MARCO: variants seen among roughly 807,000 people sequenced by gnomAD.
MARCO encodes macrophage receptor MARCO.
A neutral mutation model predicts 70.0 loss-of-function variants in MARCO; 72 were observed. The ratio of observed to expected loss-of-function variants is 1.03; its 90% CI spans 0.85 to 1.25. MARCO has a LOEUF of 1.25. MARCO is among the 50% of genes most tolerant of loss of function. The pLI is 0.00. For missense variants in MARCO, 696 were observed against 659.3 expected (o/e 1.06, Z -0.61); for synonymous variants, 273 against 243.1 (o/e 1.12, Z -1.14).
At chr2:118,991,253 G>T (rs1345811845) in intron 13 of MARCO, among the ~76,000 whole-genome samples, 10 of 143,970 alleles carry the variant, frequency 6.9e-5, no homozygotes, top group East Asian at 2.0e-4. Context: ...ATGTTTTATG[G>T]TTTTTTTTTT....
rs1680410483 is a variant in MARCO, at chr2:118,982,335, G to A, written c.1001-13G>A. 2 of 1,613,832 alleles carry A rather than the reference G, an allele frequency of 1.2e-6. No homozygotes were observed. The highest frequency in any genetic ancestry group is 1.7e-6 in the Non-Finnish European group (2 of 1,179,822). ...GTCCAGCCCTTATGCTCTCTGTGGT[G>A]TCTGTTGTCCAGGACTTCCAGGGAG... On this transcript the variant is annotated splice_polypyrimidine_tract_variant and intron_variant, in intron 11 of 16. Transcript: ENST00000327097.
intron 1 of MARCO, among the ~76,000 whole-genome samples, chr2:118,966,088 C>T (rs1341122862): frequency 1.3e-5 from 2 of 151,446 alleles, no homozygotes; most frequent in South Asian, 2.1e-4. Flanking sequence ...GGACACCCTA[C>T]CAGCACTGCC....
At chr2:118,947,744 T>C (rs1679630442) in intron 1 of MARCO, among the ~76,000 whole-genome samples, 1 of 152,232 alleles carries the variant, frequency 6.6e-6, no homozygotes, top group Admixed American at 6.5e-5. Context: ...TATAGTTATA[T>C]TGTAAGCGTT....
chr2:118,994,600 C>T lies in MARCO; in HGVS notation c.*80C>T. Reference sequence around the variant, plus strand: ...GAAGGCAGAGGATCTCTGAGGAGTTCCCTGGGGACAACTGAGCAGCCTCTG... The same window carrying T: ...GAAGGCAGAGGATCTCTGAGGAGTTTCCTGGGGACAACTGAGCAGCCTCTG... On this transcript the variant is annotated 3_prime_UTR_variant, in exon 17 of 17. Transcript: ENST00000327097. 7.1e-7 allele frequency: 1 copy of T among 1,416,668 alleles called. No homozygotes were observed. The highest frequency in any genetic ancestry group is 9.5e-7 in the Non-Finnish European group (1 of 1,055,218). 87.8% of individuals were successfully genotyped at this position (1,416,668 alleles called of 1,614,324 possible).
chr2:118,982,702 C>T (rs1166727739), intron 12 of MARCO, among the ~76,000 whole-genome samples: 1 of 152,186 alleles, frequency 6.6e-6, no homozygotes, highest in Non-Finnish European at 1.5e-5. Context: ...CCTGGTCTGC[C>T]TCCCAGCTGT....
rs1680134088 is a variant in MARCO at position 118,970,139 on chromosome 2, G to A, written c.225G>A (p.Arg75=). ...TTCTGAATCTGCAGGCGCGGCTCCG[G>A]GTCCTGGAGATGTATTTCCTCAATG... The part of the protein sequence containing the change: ...VQVLNLQARL[R]VLEMYFLNDT... Residue 75 remains arginine (R), a synonymous_variant, in exon 3 of 17, where the codon CGG becomes CGA. Transcript: ENST00000327097. 1 of 1,614,110 alleles carries A rather than the reference G, an allele frequency of 6.2e-7. No homozygotes were observed. The highest frequency in any genetic ancestry group is 8.5e-7 in the Non-Finnish European group (1 of 1,180,036).
Position 118,992,451 on chromosome 2 carries a change from A to G in MARCO, c.1227A>G (p.Gly409=), listed in dbSNP as rs749262107. ...TGACAGGATCTTCTGGGGAGCAAGG[A>G]GTAAAGGGAGAAAAAGGTGAAAGAG... ...QGVKGSSGEQ[G]VKGEKGERGE... The change falls in exon 15 of 17, where the codon GGA becomes GGG. Residue 409 remains glycine (G), a synonymous_variant. Transcript: ENST00000327097. 1.9e-6 allele frequency: 3 copies of G among 1,613,774 alleles called. No homozygotes were observed. Among genetic ancestry groups the G allele is most frequent in the South Asian group, 2.2e-5 (2 of 91,066 alleles).
In MARCO at chr2:118,986,728, A is replaced by AAGAAAGAAAG. The variant is rs1437385977; in HGVS notation, c.1064-3839_1064-3830dup. Among the ~76,000 whole-genome samples, 55 of 100,258 alleles carry AAGAAAGAAAG rather than the reference A, an allele frequency of 5.5e-4. 14 individuals are homozygous for AAGAAAGAAAG. The highest frequency in any genetic ancestry group is 2.3e-3 in the African/African-American group (52 of 22,932). The allele number at this position is 100,258 out of a possible 152,430, so 65.8% of individuals were successfully genotyped here. A position where few individuals can be genotyped will look rare whatever the true frequency, so the allele number is the denominator to read the frequency against. On this transcript the variant is annotated intron_variant, in intron 12 of 16. Coordinates refer to ENST00000327097, the MANE Select transcript of MARCO (RefSeq NM_006770.4). ...AAGAAAGAAAGAAAGAAAGAAAAGAAAGAAAGAAAGAGAAAGAAAGAGAAA... is the reference window on the plus strand; with the variant it reads ...AAGAAAGAAAGAAAGAAAGAAAAGAAAGAAAGAAAGAGAAAGAAAGAGAAAGAAAGAGAAA...
At chr2:118,989,409 C>T (rs1573409800) in intron 12 of MARCO, among the ~76,000 whole-genome samples, 1 of 152,236 alleles carries the variant, frequency 6.6e-6, no homozygotes, top group Admixed American at 6.5e-5. Flanking sequence ...TCTGGTGCTT[C>T]CTGCTTCTCT....
chr2:118,985,849 C>T (rs1014631504), intron 12 of MARCO, among the ~76,000 whole-genome samples: 9 of 152,262 alleles, frequency 5.9e-5, no homozygotes, highest in African/African-American at 2.2e-4. Context: ...ATCTCAATGG[C>T]CTTTATGTCT....
chr2:118,973,427 T>C (rs1381662655), intron 4 of MARCO, among the ~76,000 whole-genome samples: 4 of 152,206 alleles, frequency 2.6e-5, no homozygotes, highest in African/African-American at 9.7e-5. Context: ...TCTTTCTTTT[T>C]GTGCCCAGAA....
At position 118,991,783 on chromosome 2, in the gene MARCO, C is replaced by A. The variant is rs767883509; in HGVS notation, c.1115C>A (p.Ala372Glu). 1 of 1,582,612 alleles carries A rather than the reference C, an allele frequency of 6.3e-7. No individual in the cohort carries two copies. The highest frequency in any genetic ancestry group is 8.6e-7 in the Non-Finnish European group (1 of 1,165,304). The change falls in exon 14 of 17, where the codon GCA (alanine) becomes GAA (glutamate). Residue 372 changes from alanine to glutamate, a missense_variant. This residue lies in a region of MARCO where 605 missense variants were observed against 537.6 expected (regional missense o/e 1.13). Transcript: ENST00000327097. ...RKGESGVPGP[A>E]GVKGEQGSPG... ...GCAGTGTCTCTCCTTCCAGGCCCTG[C>A]AGGTGTGAAGGGAGAACAGGGGAGC...
At chr2:118,980,199 A>T (rs1399242061) in intron 8 of MARCO, among the ~76,000 whole-genome samples, 1 of 152,220 alleles carries the variant, frequency 6.6e-6, no homozygotes, top group Non-Finnish European at 1.5e-5. Flanking sequence ...AGTGCCTTCT[A>T]ACAGGTGCCG....
chr2:118,971,678 G>T, intron 4 of MARCO, 144 bp downstream of exon 4: 1 of 783,084 alleles, frequency 1.3e-6, no homozygotes, highest in Non-Finnish European at 2.1e-6. Flanking sequence ...TCTTCAGTTG[G>T]GTCTCCTCTC....
chr2:118,972,015 T>C (rs1436665438), intron 4 of MARCO, among the ~76,000 whole-genome samples: 1 of 152,240 alleles, frequency 6.6e-6, no homozygotes, highest in Non-Finnish European at 1.5e-5. Flanking sequence ...ATCTGAGTTC[T>C]AATCCTGGGC....
intron 12 of MARCO, among the ~76,000 whole-genome samples, chr2:118,982,973 G>A (rs548677545): frequency 5.3e-5 from 8 of 152,312 alleles, no homozygotes; most frequent in Non-Finnish European, 8.8e-5. Context: ...TTTATAAGCC[G>A]TTTTGGTCCA....
At chr2:118,987,032 G>T (rs1680530872) in intron 12 of MARCO, among the ~76,000 whole-genome samples, 1 of 152,114 alleles carries the variant, frequency 6.6e-6, no homozygotes, top group African/African-American at 2.4e-5. Context: ...AGCTTCCCTG[G>T]GAGCAGGAAC....
chr2:118,976,023 G>A (rs1056211472), intron 6 of MARCO, among the ~76,000 whole-genome samples: 26 of 152,088 alleles, frequency 1.7e-4, no homozygotes, highest in African/African-American at 6.0e-4. Context: ...GAGGGACTCA[G>A]GCTAGGTGAC....
At chr2:118,955,579 T>C (rs1461503690) in intron 1 of MARCO, among the ~76,000 whole-genome samples, 1 of 152,084 alleles carries the variant, frequency 6.6e-6, no homozygotes, top group Non-Finnish European at 1.5e-5. Flanking sequence ...GACTTAGACA[T>C]GGAAACACAA....
Sources: allele counts gnomAD v4.1 joint callset (sites outside exome capture counted in the v4.1 genomes callset), GRCh38; gene constraint gnomAD v4.1.1; regional missense constraint gnomAD v4.1.1; transcripts MANE v1.5; gene names NCBI Gene and HGNC (gene_info 2026-07-23, HGNC 2026-07-21).